The following PTK2 variants were observed in gnomAD, a reference collection of about 807,000 sequenced individuals.
PTK2 encodes the protein focal adhesion kinase 1.
In PTK2, 45 loss-of-function variants were observed where a neutral mutation model predicts 150.1. The observed-to-expected ratio is 0.30, with a 90% CI of 0.24 to 0.38. The LOEUF (loss-of-function observed/expected upper bound fraction) is 0.38. PTK2 is among the 10% of genes least tolerant of loss of function. The pLI, the probability that PTK2 is intolerant of heterozygous loss-of-function variation, is 1.00. For missense variants in PTK2, 919 were observed against 1,307.3 expected, an observed-to-expected ratio of 0.70 and a Z score of 4.58; for synonymous variants, 432 against 449.2, an observed-to-expected ratio of 0.96 and a Z score of 0.48.
chr8:140,687,607 T>C (rs1017574033), intron 26 of PTK2, among the ~76,000 whole-genome samples: 17 of 152,214 alleles, frequency 1.1e-4, no homozygotes, highest in African/African-American at 3.6e-4. Context: ...CAAGCACTTG[T>C]TGGGTGGGGG....
intron 4 of PTK2, among the ~76,000 whole-genome samples, chr8:140,878,630 T>C (rs956184646): frequency 3.3e-5 from 5 of 151,898 alleles, no homozygotes; most frequent in Admixed American, 6.6e-5. Flanking sequence ...CCTTAACATG[T>C]TTGTCTTTTA....
At chr8:140,669,301 G>GTATGTATGTATATATATATATATATA (rs547959878) in intron 29 of PTK2, 1 of 97,984 alleles carries the variant, frequency 1.0e-5, no homozygotes, top group African/African-American at 4.7e-5. Context: ...GCATAAAATG[G>GTATGTATGTATATATATATATATATA]TATATATATA....
intron 1 of PTK2, among the ~76,000 whole-genome samples, chr8:140,960,740 C>T (rs976071031): frequency 7.9e-5 from 12 of 151,976 alleles, no homozygotes; most frequent in African/African-American, 2.7e-4. Flanking sequence ...CCAGCACTTT[C>T]GGAGGCCAAG....
intron 27 of PTK2, among the ~76,000 whole-genome samples, chr8:140,681,495 G>C (rs1038792662): frequency 3.3e-5 from 5 of 152,158 alleles, no homozygotes; most frequent in Admixed American, 3.3e-4. Context: ...CAGTTGGCCG[G>C]GCGCGGTGGC....
At position 140,890,782 on chromosome 8, in the gene PTK2, C is replaced by A. The variant is rs780464714; in HGVS notation, c.-32-13G>T. 4 of 1,607,930 alleles carry A rather than the reference C, an allele frequency of 2.5e-6. No homozygotes were observed. In the East Asian group the frequency reaches 8.9e-5, roughly 36 times the overall value. ...TATCTGTCATATTCTGTTAAAAGAA[C>A]AAAATAATTTTTTGTGTATAATACT... On this transcript the variant is annotated splice_polypyrimidine_tract_variant and intron_variant, in intron 2 of 31. Coordinates refer to ENST00000522684, the Ensembl canonical transcript of PTK2.
chr8:140,904,061 G>C (rs2100159876), intron 2 of PTK2, among the ~76,000 whole-genome samples: 1 of 152,148 alleles, frequency 6.6e-6, no homozygotes, highest in Non-Finnish European at 1.5e-5. Flanking sequence ...GTGAGAGACG[G>C]CATCCTTGTC....
intron 4 of PTK2, among the ~76,000 whole-genome samples, chr8:140,876,429 C>G (rs1246974660): frequency 1.3e-5 from 2 of 152,150 alleles, no homozygotes; most frequent in Non-Finnish European, 2.9e-5. Flanking sequence ...GTTGAAAAGT[C>G]TGAATTTTTC....
intron 7 of PTK2, among the ~76,000 whole-genome samples, chr8:140,837,405 G>A (rs1597982905): frequency 6.6e-6 from 1 of 152,192 alleles, no homozygotes; most frequent in African/African-American, 2.4e-5. Context: ...CTATGCCTTA[G>A]TGGTAGTAGT....
At chr8:140,744,788 A>T in intron 18 of PTK2, 21 bp from the exon 22 acceptor site, 1 of 1,213,622 alleles carries the variant, frequency 8.2e-7, no homozygotes, top group Non-Finnish European at 1.2e-6. Context: ...AATGACCAAA[A>T]GAAAAAAAAA....
chr8:140,928,609 TTCAGCCTTGAAAAGGAAAGAAATTC>T (rs1217466898), intron 1 of PTK2, among the ~76,000 whole-genome samples: 3 of 152,246 alleles, frequency 2.0e-5, no homozygotes, highest in Non-Finnish European at 4.4e-5. Flanking sequence ...TGAAATATTA[TTCAGCCTTGAAAAGGAAAGAAATTC>T]TAACACATGC....
At chr8:140,697,308 AAAAC>A (rs747289950) in intron 26 of PTK2, among the ~76,000 whole-genome samples, 1 of 151,860 alleles carries the variant, frequency 6.6e-6, no homozygotes, top group Non-Finnish European at 1.5e-5. Context: ...GTTAAAAACA[AAAAC>A]AAACAAAAAA....
intron 14 of PTK2, 71 bp from the exon 15 acceptor site, chr8:140,770,870 TTAC>T: frequency 1.2e-5 from 9 of 750,848 alleles, no homozygotes; most frequent in Admixed American, 3.8e-5. Flanking sequence ...ACAACTTTTG[TTAC>T]ATTTAAAGGC....
At chr8:140,927,975 A>AAAAAAAAAATATATAT in intron 1 of PTK2, among the ~76,000 whole-genome samples, 2 of 48,196 alleles carry the variant, frequency 4.1e-5, no homozygotes, top group African/African-American at 9.8e-5. Context: ...AAAAAAAAAA[A>AAAAAAAAAATATATAT]ATATATATAT....
intron 14 of PTK2, among the ~76,000 whole-genome samples, chr8:140,776,166 G>A (rs2100078331): frequency 6.6e-6 from 1 of 152,156 alleles, no homozygotes; most frequent in Non-Finnish European, 1.5e-5. Flanking sequence ...ACCACACCTG[G>A]TTAATTTTTA....
intron 2 of PTK2, among the ~76,000 whole-genome samples, chr8:140,892,896 G>A (rs1381446432): frequency 3.3e-5 from 5 of 152,204 alleles, no homozygotes; most frequent in African/African-American, 4.8e-5. Context: ...TACATTGCTG[G>A]AAGAGTATAA....
chr8:140,681,348 G>C (rs557943828), intron 27 of PTK2, among the ~76,000 whole-genome samples: 9 of 145,108 alleles, frequency 6.2e-5, no homozygotes, highest in Admixed American at 5.4e-4. Flanking sequence ...GCGAGACTCC[G>C]TCTCAAAAAA....
At chr8:140,711,132 A>C (rs1468574836) in intron 23 of PTK2, among the ~76,000 whole-genome samples, 1 of 151,864 alleles carries the variant, frequency 6.6e-6, no homozygotes, top group Non-Finnish European at 1.5e-5. Flanking sequence ...TTTGAGATGG[A>C]GTCTTGTTCT....
At chr8:140,673,077 T>G (rs543830646) in intron 29 of PTK2, among the ~76,000 whole-genome samples, 1 of 152,184 alleles carries the variant, frequency 6.6e-6, no homozygotes, top group East Asian at 1.9e-4. Flanking sequence ...TTTCGGATTT[T>G]AAGATGTCTT....
intron 4 of PTK2, among the ~76,000 whole-genome samples, chr8:140,870,900 C>T (rs1401599010): frequency 6.6e-6 from 1 of 152,066 alleles, no homozygotes; most frequent in Non-Finnish European, 1.5e-5. Context: ...GGAGATTCTG[C>T]CCCCTTCCTG....
Sources: allele counts gnomAD v4.1 joint callset (sites outside exome capture counted in the v4.1 genomes callset), GRCh38; gene constraint gnomAD v4.1.1; transcripts MANE v1.5; gene names NCBI Gene and HGNC (gene_info 2026-07-23, HGNC 2026-07-21).